PPFIA2: variants seen among roughly 807,000 people sequenced by gnomAD.
The protein encoded by PPFIA2 is PPFI scaffold protein A2, also known as liprin-alpha-2.
PPFIA2 carries 46 observed loss-of-function variants against 175.5 expected under a neutral mutation model. The ratio of observed to expected loss-of-function variants is 0.26; its 90% CI spans 0.21 to 0.34. PPFIA2 has a LOEUF of 0.34. Ranked by LOEUF, PPFIA2 falls within the 10% of genes least tolerant of loss-of-function variation. The pLI is 1.00. For synonymous variants in PPFIA2, 568 were observed against 511.4 expected, an observed-to-expected ratio of 1.11 and a Z score of -1.49; for missense variants, 1,179 against 1,506.1, an observed-to-expected ratio of 0.78 and a Z score of 3.60.
intron 4 of PPFIA2, among the ~76,000 whole-genome samples, chr12:81,519,784 A>T (rs544519540): frequency 2.0e-5 from 3 of 152,224 alleles, no homozygotes; most frequent in Non-Finnish European, 4.4e-5. Flanking sequence ...TGGACTTTTC[A>T]GTTTATATAC....
At chr12:81,350,316 T>C (rs968945876) in intron 17 of PPFIA2, 1 of 152,222 alleles carries the variant, frequency 6.6e-6, no homozygotes, top group African/African-American at 2.4e-5. Flanking sequence ...TGAAGCACTC[T>C]CTAAATATCA....
chr12:81,676,482 C>G (rs1239280871), intron 4 of PPFIA2, among the ~76,000 whole-genome samples: 1 of 151,846 alleles, frequency 6.6e-6, no homozygotes, highest in African/African-American at 2.4e-5. Context: ...AAATACTATA[C>G]TCATATTTAG....
chr12:81,273,213 A>G (rs931458029), intron 28 of PPFIA2, among the ~76,000 whole-genome samples: 1 of 152,114 alleles, frequency 6.6e-6, no homozygotes, highest in Non-Finnish European at 1.5e-5. Flanking sequence ...TCTCTAGAGG[A>G]GTATTGTATA....
At chr12:81,304,103 T>A (rs2048547565) in intron 22 of PPFIA2, among the ~76,000 whole-genome samples, 1 of 152,198 alleles carries the variant, frequency 6.6e-6, no homozygotes, top group African/African-American at 2.4e-5. Flanking sequence ...TCAACAAAAA[T>A]GCTTCCTTTC....
intron 4 of PPFIA2, among the ~76,000 whole-genome samples, chr12:81,533,936 G>A (rs908981211): frequency 1.4e-4 from 21 of 151,162 alleles, no homozygotes; most frequent in African/African-American, 4.8e-4. Context: ...ATAAAAAAAC[G>A]AATGGGTAAA....
At chr12:81,613,521 T>A (rs910602771) in intron 4 of PPFIA2, among the ~76,000 whole-genome samples, 1 of 152,170 alleles carries the variant, frequency 6.6e-6, no homozygotes, top group Non-Finnish European at 1.5e-5. Context: ...ATTTAAATTA[T>A]CCACTTTATT....
At chr12:81,617,190 G>T (rs1169701162) in intron 4 of PPFIA2, among the ~76,000 whole-genome samples, 3 of 152,098 alleles carry the variant, frequency 2.0e-5, no homozygotes, top group Non-Finnish European at 2.9e-5. Flanking sequence ...CAAAAGAAAA[G>T]AAAAAACTTC....
chr12:81,610,977 A>G (rs1484971579), intron 4 of PPFIA2, among the ~76,000 whole-genome samples: 1 of 152,136 alleles, frequency 6.6e-6, no homozygotes, highest in Non-Finnish European at 1.5e-5. Context: ...TCACAGGTGT[A>G]TATATTAATA....
At chr12:81,537,591 C>T (rs1262191095) in intron 4 of PPFIA2, among the ~76,000 whole-genome samples, 1 of 151,800 alleles carries the variant, frequency 6.6e-6, no homozygotes, top group Non-Finnish European at 1.5e-5. Context: ...ACCTGAGATG[C>T]CTCCCTTATA....
At chr12:81,529,014 A>G (rs1238237313) in intron 4 of PPFIA2, among the ~76,000 whole-genome samples, 1 of 152,048 alleles carries the variant, frequency 6.6e-6, no homozygotes, top group Non-Finnish European at 1.5e-5. Context: ...AATGCACTGT[A>G]GCTGGAGACC....
chr12:81,489,378 A>G (rs2059185770), intron 4 of PPFIA2, among the ~76,000 whole-genome samples: 1 of 151,842 alleles, frequency 6.6e-6, no homozygotes, highest in Non-Finnish European at 1.5e-5. Flanking sequence ...TGCATTCCCT[A>G]TGATCAAGGA....
chr12:81,422,090 A>G (rs895026421), intron 7 of PPFIA2, among the ~76,000 whole-genome samples: 38 of 140,994 alleles, frequency 2.7e-4, no homozygotes, highest in Non-Finnish European at 4.4e-4. Context: ...ATATATGTGT[A>G]TATATATGTG....
At chr12:81,426,310 T>C (rs1566777937) in intron 7 of PPFIA2, among the ~76,000 whole-genome samples, 1 of 152,208 alleles carries the variant, frequency 6.6e-6, no homozygotes, top group Non-Finnish European at 1.5e-5. Context: ...CTCTGCACTT[T>C]GTTTCTCCTG....
Position 81,277,415 on chromosome 12 carries a change from C to CTT in PPFIA2, c.3213-3_3213-2dup. 19 of 1,242,920 alleles carry CTT rather than the reference C, an allele frequency of 1.5e-5. No individual in the cohort carries two copies. Among genetic ancestry groups the CTT allele is most frequent in the South Asian group, 8.8e-5 (5 of 56,734 alleles). The allele number at this position is 1,242,920 out of a possible 1,614,324, so 77.0% of individuals were successfully genotyped here. The stretch of plus-strand genomic sequence containing the variant: ...CATAATTCCATATTGTAAACTTGTT[C>CTT]TTTTTTTTTTATTAAAAAAAAAAAA... On this transcript the variant is annotated splice_acceptor_variant, in intron 27 of 32. Coordinates refer to ENST00000549396, the MANE Select transcript of PPFIA2 (RefSeq NM_003625.5). LOFTEE classifies it high-confidence loss of function.
At chr12:81,699,176 T>C (rs2076223751) in intron 3 of PPFIA2, among the ~76,000 whole-genome samples, 2 of 152,102 alleles carry the variant, frequency 1.3e-5, no homozygotes, top group African/African-American at 4.8e-5. Context: ...TTTCATGTGA[T>C]CTACTCATGT....
intron 4 of PPFIA2, among the ~76,000 whole-genome samples, chr12:81,597,064 T>A (rs117655393): frequency 0.013 from 2,000 of 152,248 alleles, 23 homozygotes; most frequent in Non-Finnish European, 0.021. Flanking sequence ...TTTTTCCAAG[T>A]ATGGTATAAT....
chr12:81,676,490 T>C lies in PPFIA2; in HGVS notation c.303+301A>G, dbSNP rs779836853. 2.0e-5 allele frequency among the ~76,000 whole-genome samples: 3 copies of C among 152,026 alleles called. 1 individual carries two copies. The Middle Eastern group carries it at 9.5e-3, about 481-fold the overall frequency. On this transcript the variant is annotated intron_variant, in intron 4 of 32. Coordinates refer to ENST00000549396, the MANE Select transcript of PPFIA2 (RefSeq NM_003625.5). ...GCAACCCAAATACTATACTCATATT[T>C]AGAAAAACAAACTCTCCAGTTAGTA...
At chr12:81,396,864 G>C (rs1161525209) in intron 8 of PPFIA2, among the ~76,000 whole-genome samples, 1 of 151,904 alleles carries the variant, frequency 6.6e-6, no homozygotes, top group Admixed American at 6.6e-5. Flanking sequence ...CAATGGAAGT[G>C]GTAGGATTCT....
chr12:81,274,444 A>G (rs981625216), intron 28 of PPFIA2, among the ~76,000 whole-genome samples: 1 of 152,140 alleles, frequency 6.6e-6, no homozygotes, highest in Admixed American at 6.5e-5. Flanking sequence ...AAATATTTAA[A>G]CTGATCTGTT....
Sources: gnomAD v4.1 joint callset for allele counts (sites outside exome capture counted in the v4.1 genomes callset) on GRCh38, gnomAD v4.1.1 for gene constraint, MANE v1.5 for transcripts, NCBI Gene and HGNC (gene_info 2026-07-23, HGNC 2026-07-21) for gene names.